Variants in PCTP observed in about 807,000 individuals in gnomAD.
PCTP encodes the protein phosphatidylcholine transfer protein.
A neutral mutation model predicts 31.0 loss-of-function variants in PCTP; 27 were observed. That is an observed-to-expected ratio of 0.87 (90% CI 0.64 to 1.20). The LOEUF is 1.20. Among genes scored for constraint, PCTP ranks in the 50% most tolerant of loss-of-function variants. The pLI is 0.00. For missense variants in PCTP, 287 were observed against 268.2 expected, an observed-to-expected ratio of 1.07 and a Z score of -0.49; for synonymous variants, 108 against 101.2, an observed-to-expected ratio of 1.07 and a Z score of -0.40.
At chr17:55,752,518 T>A (rs1047628505) in intron 1 of PCTP, among the ~76,000 whole-genome samples, 1 of 152,140 alleles carries the variant, frequency 6.6e-6, no homozygotes. Context: ...TCTAAATAAA[T>A]GGAGAATATA....
At chr17:55,768,073 G>A (rs1447243524) in intron 2 of PCTP, among the ~76,000 whole-genome samples, 4 of 129,816 alleles carry the variant, frequency 3.1e-5, no homozygotes, top group Non-Finnish European at 6.8e-5. Flanking sequence ...ACAACAGAGG[G>A]AGACCCTGTC....
At chr17:55,817,774 T>A (rs781243739) in intron 3 of PCTP, among the ~76,000 whole-genome samples, 3 of 152,222 alleles carry the variant, frequency 2.0e-5, no homozygotes, top group Non-Finnish European at 4.4e-5. Flanking sequence ...CCTTTTAATC[T>A]ATTTGGGCAG....
chr17:55,788,657 C>T (rs1313254249), intron 3 of PCTP, among the ~76,000 whole-genome samples: 2 of 152,074 alleles, frequency 1.3e-5, no homozygotes, highest in Non-Finnish European at 2.9e-5. Context: ...TTGCCAATCT[C>T]GATAAAGCAA....
chr17:55,781,382 G>A (rs1278143524), downstream of PCTP, among the ~76,000 whole-genome samples: 1 of 152,152 alleles, frequency 6.6e-6, no homozygotes, highest in Non-Finnish European at 1.5e-5. Flanking sequence ...TTCCCTCTAA[G>A]ATATTCCTTG....
chr17:55,799,979 A>G (rs770408244), intron 3 of PCTP, among the ~76,000 whole-genome samples: 2 of 152,088 alleles, frequency 1.3e-5, no homozygotes, highest in Non-Finnish European at 2.9e-5. Context: ...TGGGTAACCT[A>G]AACTTTCTCT....
At chr17:55,823,406 A>AT (rs1245880530), downstream of PCTP, among the ~76,000 whole-genome samples, 3 of 152,282 alleles carry the variant, frequency 2.0e-5, no homozygotes, top group South Asian at 2.1e-4. Flanking sequence ...CCTTTAAAAC[A>AT]TTTTTTTCAA....
intron 3 of PCTP, among the ~76,000 whole-genome samples, chr17:55,792,652 TC>T (rs1189745310): frequency 1.3e-5 from 2 of 152,066 alleles, no homozygotes; most frequent in African/African-American, 4.8e-5. Context: ...GAGTTAATTA[TC>T]CCTGGGCCTC....
chr17:55,767,323 C>G lies in PCTP; in HGVS notation c.142-12C>G. 4 of 1,526,736 alleles carry G rather than the reference C, an allele frequency of 2.6e-6. No individual in the cohort carries two copies. The highest frequency in any genetic ancestry group is 3.6e-6 in the Non-Finnish European group (4 of 1,103,968). The allele number at this position is 1,526,736 out of a possible 1,614,324, so 94.6% of individuals were successfully genotyped here. A position where few individuals can be genotyped will look rare whatever the true frequency, so the allele number is the denominator to read the frequency against. On this transcript the variant is annotated splice_polypyrimidine_tract_variant and intron_variant, in intron 1 of 5. Coordinates refer to ENST00000268896, the MANE Select transcript of PCTP (RefSeq NM_021213.4). ...GAACCAATAGACATTTCTACCTGTT[C>G]TGTTTTTATAGAAGACTGGACTTTA...
intron 5 of PCTP, chr17:55,775,774 C>G: frequency 3.2e-6 from 4 of 1,263,748 alleles, no homozygotes; most frequent in Non-Finnish European, 4.0e-6. Context: ...AACACTGTTT[C>G]AGAAACATCT....
downstream of PCTP, among the ~76,000 whole-genome samples, chr17:55,824,882 A>G (rs560590547): frequency 3.3e-5 from 5 of 152,338 alleles, no homozygotes; most frequent in Non-Finnish European, 7.3e-5. Context: ...TAATGTTTCA[A>G]TCTTTTTCTT....
chr17:55,844,283 G>A (rs1014012045), downstream of PCTP, among the ~76,000 whole-genome samples: 3 of 152,152 alleles, frequency 2.0e-5, no homozygotes, highest in Admixed American at 1.3e-4. Flanking sequence ...TGTAATTATA[G>A]GACACACATC....
intron 1 of PCTP, among the ~76,000 whole-genome samples, chr17:55,760,587 G>A (rs1006564162): frequency 6.6e-6 from 1 of 152,200 alleles, no homozygotes; most frequent in African/African-American, 2.4e-5. Context: ...TTATGAGACA[G>A]CACTTTGGAA....
chr17:55,758,299 C>T (rs1377251708), intron 1 of PCTP, among the ~76,000 whole-genome samples: 2 of 152,198 alleles, frequency 1.3e-5, no homozygotes, highest in Non-Finnish European at 2.9e-5. Flanking sequence ...GCAGACAGTA[C>T]TTTCCCAGGG....
intron 5 of PCTP, among the ~76,000 whole-genome samples, chr17:55,831,310 A>G (rs1003871234): frequency 1.3e-5 from 2 of 152,198 alleles, no homozygotes; most frequent in Non-Finnish European, 2.9e-5. Context: ...CTGTTGTTGC[A>G]TAATTCAGGA....
At chr17:55,751,564 A>AG (rs1909715531) in intron 1 of PCTP, 1 of 1,205,754 alleles carries the variant, frequency 8.3e-7, no homozygotes, top group Non-Finnish European at 1.1e-6. Context: ...CACGTCTGCA[A>AG]GGGACGTTGA....
intron 1 of PCTP, chr17:55,751,551 G>GAT: frequency 1.4e-6 from 2 of 1,400,406 alleles, no homozygotes; most frequent in Non-Finnish European, 1.9e-6. Context: ...CTAGGCCCGT[G>GAT]CACACGTCTG....
chr17:55,791,869 T>C (rs1598000272), intron 3 of PCTP, among the ~76,000 whole-genome samples: 2 of 152,006 alleles, frequency 1.3e-5, no homozygotes, highest in African/African-American at 4.8e-5. Context: ...ATGTTTATTG[T>C]GGCATTATTC....
chr17:55,834,854 G>A (rs538252569), intron 5 of PCTP, among the ~76,000 whole-genome samples: 97 of 152,178 alleles, frequency 6.4e-4, no homozygotes, highest in Non-Finnish European at 3.8e-4. Flanking sequence ...ATTTGTAATA[G>A]GTTGAGTTGT....
intron 3 of PCTP, among the ~76,000 whole-genome samples, chr17:55,790,744 G>A (rs924177617): frequency 2.0e-5 from 3 of 149,498 alleles, no homozygotes; most frequent in African/African-American, 7.5e-5. Flanking sequence ...GTAATTTACA[G>A]ATTCAATGCC....
Sources: allele counts gnomAD v4.1 joint callset (sites outside exome capture counted in the v4.1 genomes callset), GRCh38; gene constraint gnomAD v4.1.1; transcripts MANE v1.5; gene names NCBI Gene and HGNC (gene_info 2026-07-23, HGNC 2026-07-21).